Variants in RGS6 observed in about 807,000 individuals in gnomAD.
The protein encoded by RGS6 is regulator of G-protein signaling 6.
Under a neutral mutation model 78.5 loss-of-function variants are expected in RGS6, and 30 were observed. That is an observed-to-expected ratio of 0.38 (90% CI 0.29 to 0.52). The LOEUF (loss-of-function observed/expected upper bound fraction) is 0.52, where lower values mean the gene tolerates loss of function less well. Among genes scored for constraint, RGS6 ranks in the 20% least tolerant of loss-of-function variants. The pLI, the probability that RGS6 is intolerant of heterozygous loss-of-function variation, is 0.85. For missense variants in RGS6, 495 were observed against 609.7 expected, an observed-to-expected ratio of 0.81 and a Z score of 1.98; for synonymous variants, 206 against 206.0, an observed-to-expected ratio of 1.00 and a Z score of 0.00.
intron 2 of RGS6, among the ~76,000 whole-genome samples, chr14:72,030,402 T>G (rs956337202): frequency 1.3e-5 from 2 of 151,536 alleles, no homozygotes; most frequent in African/African-American, 4.9e-5. Flanking sequence ...AATAAAAGGA[T>G]AGAAAAATAT....
chr14:72,023,551 C>T (rs888593474), intron 2 of RGS6, among the ~76,000 whole-genome samples: 1 of 152,204 alleles, frequency 6.6e-6, no homozygotes, highest in Non-Finnish European at 1.5e-5. Context: ...GCAACTGGAA[C>T]GTTTCTCTTA....
intron 3 of RGS6, among the ~76,000 whole-genome samples, chr14:72,443,035 A>T (rs2095258771): frequency 6.6e-6 from 1 of 152,140 alleles, no homozygotes; most frequent in Non-Finnish European, 1.5e-5. Flanking sequence ...GGGCTGGAAA[A>T]CCTGTAGCAA....
chr14:72,026,038 T>C lies in RGS6; in HGVS notation c.84+61163T>C, dbSNP rs186593564. 1.3e-3 allele frequency among the ~76,000 whole-genome samples: 197 copies of C among 152,104 alleles called. 1 individual carries two copies. The highest frequency in any genetic ancestry group is 4.4e-3 in the African/African-American group (182 of 41,500). ...CATGAAGTTGAACTTCAGAGAATAGTCGAATAAAAAGTTCCCTCAAACTTA... is the reference window on the plus strand; with the variant it reads ...CATGAAGTTGAACTTCAGAGAATAGCCGAATAAAAAGTTCCCTCAAACTTA... On this transcript the variant is annotated intron_variant, in intron 2 of 17. Coordinates refer to ENST00000553525, the MANE Select transcript of RGS6 (RefSeq NM_001204424.2).
At chr14:72,288,522 G>T (rs1202361890) in intron 2 of RGS6, among the ~76,000 whole-genome samples, 2 of 152,208 alleles carry the variant, frequency 1.3e-5, no homozygotes, top group African/African-American at 4.8e-5. Flanking sequence ...TAAGTAGTCT[G>T]TCAGAGTTTG....
At chr14:72,242,669 T>A (rs1325447698) in intron 2 of RGS6, among the ~76,000 whole-genome samples, 1 of 152,044 alleles carries the variant, frequency 6.6e-6, no homozygotes, top group Non-Finnish European at 1.5e-5. Flanking sequence ...ATAAGGATAA[T>A]TTTTATTACA....
chr14:72,548,335 G>C (rs1279488285), intron 17 of RGS6, among the ~76,000 whole-genome samples: 1 of 133,224 alleles, frequency 7.5e-6, no homozygotes, highest in African/African-American at 3.3e-5. Context: ...ATTTGTGTGT[G>C]TGTGTGTGCG....
At chr14:72,442,597 A>G (rs1195221896) in intron 3 of RGS6, among the ~76,000 whole-genome samples, 6 of 152,250 alleles carry the variant, frequency 3.9e-5, no homozygotes, top group Admixed American at 6.5e-5. Context: ...AATAACGGCA[A>G]TGACAACAAT....
chr14:72,242,037 A>G (rs909941864), intron 2 of RGS6, among the ~76,000 whole-genome samples: 1 of 152,242 alleles, frequency 6.6e-6, no homozygotes, highest in African/African-American at 2.4e-5. Flanking sequence ...TTTTGGAGCC[A>G]AAAGAGTTCT....
chr14:72,455,792 A>G (rs1332404704), intron 4 of RGS6, among the ~76,000 whole-genome samples: 1 of 152,202 alleles, frequency 6.6e-6, no homozygotes, highest in African/African-American at 2.4e-5. Flanking sequence ...GAAAGCCTGG[A>G]CTGAATCAGC....
intron 2 of RGS6, among the ~76,000 whole-genome samples, chr14:72,049,453 C>G (rs1433388647): frequency 6.6e-6 from 1 of 152,192 alleles, no homozygotes; most frequent in Non-Finnish European, 1.5e-5. Flanking sequence ...TGGTGCAAGT[C>G]TCTCGTGATA....
intron 17 of RGS6, among the ~76,000 whole-genome samples, chr14:72,557,847 CAG>C (rs1484822822): frequency 6.6e-6 from 1 of 152,156 alleles, no homozygotes; most frequent in Non-Finnish European, 1.5e-5. Context: ...AATTCCCCAA[CAG>C]AGGAATCCAG....
At chr14:71,982,323 A>G (rs1202811837) in intron 2 of RGS6, among the ~76,000 whole-genome samples, 2 of 152,082 alleles carry the variant, frequency 1.3e-5, no homozygotes, top group African/African-American at 2.4e-5. Flanking sequence ...CCTTCTGTTT[A>G]TTTTTTATTA....
chr14:72,406,256 C>T (rs781020485), intron 3 of RGS6, among the ~76,000 whole-genome samples: 12 of 152,162 alleles, frequency 7.9e-5, no homozygotes, highest in African/African-American at 1.9e-4. Context: ...CAGTGGCACA[C>T]GCCTGTAGTC....
chr14:72,506,263 C>A (rs1441518823), intron 13 of RGS6, among the ~76,000 whole-genome samples: 1 of 152,168 alleles, frequency 6.6e-6, no homozygotes, highest in African/African-American at 2.4e-5. Flanking sequence ...ATGGCATAAA[C>A]TCTCGAAAAT....
At chr14:72,445,481 A>ATTT (rs34316528) in intron 3 of RGS6, among the ~76,000 whole-genome samples, 1 of 147,752 alleles carries the variant, frequency 6.8e-6, no homozygotes. Context: ...AAAAGATGTG[A>ATTT]TTTTTTTTTT....
Position 72,276,632 on chromosome 14 carries a change from G to A in RGS6, c.85-75463G>A, listed in dbSNP as rs368262116. On this transcript the variant is annotated intron_variant, in intron 2 of 17. Coordinates refer to ENST00000553525, the MANE Select transcript of RGS6 (RefSeq NM_001204424.2). ...GGGTGGTTTCCCCCATACTGTTTTC[G>A]TGGTAGTGAATAAGTCTCATGAGAT... Among the ~76,000 whole-genome samples, 19 of 152,194 alleles carry A rather than the reference G, an allele frequency of 1.2e-4. No homozygotes were observed. The East Asian group carries it at 2.3e-3, about 19-fold the overall frequency.
At chr14:72,124,893 G>A (rs950060353) in intron 2 of RGS6, among the ~76,000 whole-genome samples, 9 of 152,116 alleles carry the variant, frequency 5.9e-5, no homozygotes, top group African/African-American at 2.2e-4. Flanking sequence ...TAGTATAAAG[G>A]CCAAAAGTCA....
intron 2 of RGS6, among the ~76,000 whole-genome samples, chr14:71,977,090 T>C (rs71427138): frequency 0.18 from 14,940 of 83,492 alleles, 2,052 homozygotes; most frequent in East Asian, 0.33. Flanking sequence ...ATGTCCTTCG[T>C]CCACTTTTTG....
At chr14:72,097,348 G>A (rs2095430062) in intron 2 of RGS6, among the ~76,000 whole-genome samples, 2 of 151,890 alleles carry the variant, frequency 1.3e-5, no homozygotes, top group Non-Finnish European at 2.9e-5. Flanking sequence ...TTTCTTAACA[G>A]CATCTTTCTT....
Sources: gnomAD v4.1 joint callset for allele counts (sites outside exome capture counted in the v4.1 genomes callset) on GRCh38, gnomAD v4.1.1 for gene constraint, MANE v1.5 for transcripts, NCBI Gene and HGNC (gene_info 2026-07-23, HGNC 2026-07-21) for gene names.